Variants in PLS1 observed in about 807,000 individuals in gnomAD.
The protein encoded by PLS1 is plastin 1.
A neutral mutation model predicts 73.7 loss-of-function variants in PLS1; 32 were observed. The observed-to-expected ratio is 0.43, with a 90% CI of 0.33 to 0.58. The LOEUF (loss-of-function observed/expected upper bound fraction) is 0.58, where lower values mean the gene tolerates loss of function less well. Among genes scored for constraint, PLS1 ranks in the 20% least tolerant of loss-of-function variants. The pLI, the probability that PLS1 is intolerant of heterozygous loss-of-function variation, is 0.04. For synonymous variants in PLS1, 217 were observed against 261.3 expected (o/e 0.83, Z 1.63); for missense variants, 633 against 740.5 (o/e 0.85, Z 1.68).
intron 2 of PLS1, among the ~76,000 whole-genome samples, chr3:142,664,908 G>A (rs1577860603): frequency 6.6e-6 from 1 of 150,970 alleles, no homozygotes. Flanking sequence ...ATACTCTGTT[G>A]GATCTCAATT....
chr3:142,664,324 G>T lies in PLS1; in HGVS notation c.70+17G>T. On this transcript the variant is annotated intron_variant, in intron 2 of 15. Transcript: ENST00000457734. ...ATAAAATAGGTATGCTTGAGAAAAA[G>T]TAAATATGATATTACTGGTCTGCTT... The T allele has an allele frequency of 7.4e-7, 1 of 1,359,300 alleles. No homozygotes were observed. The highest frequency in any genetic ancestry group is 2.3e-5 in the East Asian group (1 of 43,440). The allele number at this position is 1,359,300 out of a possible 1,614,324, so 84.2% of individuals were successfully genotyped here.
At chr3:142,689,907 A>G in intron 10 of PLS1, 94 bp downstream of exon 10, 2 of 807,692 alleles carry the variant, frequency 2.5e-6, no homozygotes, top group South Asian at 4.1e-5. Context: ...GTGGTGGGAA[A>G]TGCAATTTAG....
chr3:142,683,009 C>A (rs951715104), intron 6 of PLS1, among the ~76,000 whole-genome samples: 1 of 152,146 alleles, frequency 6.6e-6, no homozygotes, highest in Non-Finnish European at 1.5e-5. Flanking sequence ...TAATTTTAAT[C>A]GCCCCAGACG....
intron 10 of PLS1, among the ~76,000 whole-genome samples, chr3:142,693,803 A>C (rs1457139694): frequency 1.3e-5 from 2 of 151,966 alleles, no homozygotes; most frequent in African/African-American, 4.9e-5. Context: ...TTTGAGGTCC[A>C]GGAACTTACT....
intron 1 of PLS1, among the ~76,000 whole-genome samples, chr3:142,597,633 G>T (rs573748204): frequency 9.2e-5 from 14 of 152,256 alleles, no homozygotes; most frequent in African/African-American, 3.4e-4. Flanking sequence ...GACCTTTGAG[G>T]TCAGCCAGTT....
intron 15 of PLS1, 110 bp downstream of exon 15, chr3:142,711,735 G>A: frequency 1.6e-6 from 2 of 1,281,616 alleles, no homozygotes; most frequent in Non-Finnish European, 1.1e-6. Flanking sequence ...TAACTTATAT[G>A]TGAGTCTTAG....
intron 1 of PLS1, among the ~76,000 whole-genome samples, chr3:142,633,437 C>T (rs1277655116): frequency 1.3e-5 from 2 of 152,154 alleles, no homozygotes; most frequent in Non-Finnish European, 2.9e-5. Flanking sequence ...AGATGGATCA[C>T]CTGAGGTCAG....
At chr3:142,601,077 C>T (rs545257597) in intron 1 of PLS1, among the ~76,000 whole-genome samples, 200 of 144,252 alleles carry the variant, frequency 1.4e-3, no homozygotes, top group South Asian at 3.4e-3. Context: ...GCACCCGCCA[C>T]CACGCCCGGC....
intron 1 of PLS1, among the ~76,000 whole-genome samples, chr3:142,607,433 C>T (rs141675300): frequency 0.039 from 5,894 of 152,192 alleles, 383 homozygotes; most frequent in African/African-American, 0.13. Flanking sequence ...TGTGCCACCA[C>T]GCCCAGCTAA....
intron 9 of PLS1, among the ~76,000 whole-genome samples, chr3:142,688,805 A>C (rs553731629): frequency 6.6e-6 from 1 of 152,044 alleles, no homozygotes; most frequent in Admixed American, 6.6e-5. Context: ...TCTCCTGTTT[A>C]TAGGTATTTG....
In PLS1 at chr3:142,712,075, G is replaced by A. The variant is rs1218241487; in HGVS notation, c.*68G>A. On this transcript the variant is annotated 3_prime_UTR_variant, in exon 16 of 16. Transcript: ENST00000457734. Reference sequence around the variant, plus strand: ...CTCACAGTTTACAGGATTCTGAAATGTAGTGGGTGTAAAACCAGAGATTAT... The same window carrying A: ...CTCACAGTTTACAGGATTCTGAAATATAGTGGGTGTAAAACCAGAGATTAT... 7.3e-6 allele frequency: 10 copies of A among 1,368,664 alleles called. No homozygotes were observed. The highest frequency in any genetic ancestry group is 1.4e-5 in the African/African-American group (1 of 69,810). The allele number at this position is 1,368,664 out of a possible 1,614,324, so 84.8% of individuals were successfully genotyped here.
intron 2 of PLS1, among the ~76,000 whole-genome samples, chr3:142,667,885 A>G (rs949525792): frequency 1.3e-5 from 2 of 152,252 alleles, no homozygotes; most frequent in African/African-American, 4.8e-5. Context: ...TATTATTGCA[A>G]TATCAAGCAA....
chr3:142,663,912 G>A (rs1021612844), intron 1 of PLS1, among the ~76,000 whole-genome samples: 3 of 152,130 alleles, frequency 2.0e-5, no homozygotes, highest in African/African-American at 7.2e-5. Flanking sequence ...TCTTGAAATC[G>A]TGGGGTAAAA....
At chr3:142,680,963 A>G (rs1035807801) in intron 6 of PLS1, among the ~76,000 whole-genome samples, 1 of 152,162 alleles carries the variant, frequency 6.6e-6, no homozygotes. Context: ...TTACAATAGT[A>G]GCTATTAAAA....
rs567027709 is a variant in PLS1, at chr3:142,620,608, A to G, written c.-37+24099A>G. Among the ~76,000 whole-genome samples the G allele has an allele frequency of 2.6e-5, 4 of 152,312 alleles. No individual in the cohort carries two copies. The East Asian group carries it at 7.7e-4, about 29-fold the overall frequency. On this transcript the variant is annotated intron_variant, in intron 1 of 15. Transcript: ENST00000457734. ...ATTCTTTTCTAAATGTTCTTGCTTT[A>G]TCAAATAGTTTGAGTTACAGATACA...
intron 2 of PLS1, among the ~76,000 whole-genome samples, chr3:142,667,528 A>G (rs1032841147): frequency 6.6e-6 from 1 of 152,186 alleles, no homozygotes; most frequent in African/African-American, 2.4e-5. Flanking sequence ...TTCATGAGAT[A>G]AGTCAAGTTC....
chr3:142,636,860 C>G (rs2036704397), intron 1 of PLS1, among the ~76,000 whole-genome samples: 1 of 152,094 alleles, frequency 6.6e-6, no homozygotes, highest in Non-Finnish European at 1.5e-5. Context: ...AAATATCATA[C>G]CATAGTGAGA....
At chr3:142,652,565 C>T (rs1241317057) in intron 1 of PLS1, among the ~76,000 whole-genome samples, 6 of 152,088 alleles carry the variant, frequency 3.9e-5, no homozygotes, top group Admixed American at 3.9e-4. Context: ...TGAGTGGAGC[C>T]GAGGGCACAG....
intron 6 of PLS1, among the ~76,000 whole-genome samples, chr3:142,681,119 GCA>G (rs2037843905): frequency 6.6e-6 from 1 of 152,012 alleles, no homozygotes; most frequent in Admixed American, 6.6e-5. Context: ...AAATAAAACT[GCA>G]TGATAGCCTC....
Sources: gnomAD v4.1 joint callset for allele counts (sites outside exome capture counted in the v4.1 genomes callset) on GRCh38, gnomAD v4.1.1 for gene constraint, MANE v1.5 for transcripts, NCBI Gene and HGNC (gene_info 2026-07-23, HGNC 2026-07-21) for gene names.